THSD7B: variants seen among roughly 807,000 people sequenced by gnomAD.
The protein encoded by THSD7B is thrombospondin type 1 domain containing 7B, also known as thrombospondin type-1 domain-containing protein 7B.
THSD7B carries 138 observed loss-of-function variants against 213.6 expected under a neutral mutation model. The ratio of observed to expected loss-of-function variants is 0.65; its 90% CI spans 0.56 to 0.74. The LOEUF (loss-of-function observed/expected upper bound fraction) is 0.74. Among genes scored for constraint, THSD7B ranks in the 30% least tolerant of loss-of-function variants. The probability of loss-of-function intolerance (pLI) is 0.00; values close to 1 mark genes in which losing one functional copy is unlikely to be tolerated. For synonymous variants in THSD7B, 742 were observed against 687.0 expected (o/e 1.08, Z -1.25); for missense variants, 1,931 against 1,991.5 (o/e 0.97, Z 0.58).
At chr2:137,575,713 T>C (rs572275532) in intron 17 of THSD7B, among the ~76,000 whole-genome samples, 1 of 145,512 alleles carries the variant, frequency 6.9e-6, no homozygotes, top group South Asian at 2.3e-4. Context: ...TTTTTCTTAT[T>C]CCCATAACAC....
At chr2:136,921,524 G>A (rs768810146) in intron 2 of THSD7B, among the ~76,000 whole-genome samples, 1 of 151,940 alleles carries the variant, frequency 6.6e-6, no homozygotes, top group Non-Finnish European at 1.5e-5. Flanking sequence ...TAAGGAAGGT[G>A]GAAGATGCAG....
chr2:136,954,956 A>G (rs1014844985), intron 2 of THSD7B, among the ~76,000 whole-genome samples: 2 of 152,052 alleles, frequency 1.3e-5, no homozygotes, highest in Non-Finnish European at 2.9e-5. Context: ...GTGTATTTCA[A>G]CAGGCTCTGG....
At chr2:137,187,588 A>G (rs1357879181) in intron 7 of THSD7B, among the ~76,000 whole-genome samples, 1 of 152,192 alleles carries the variant, frequency 6.6e-6, no homozygotes. Context: ...GTAAGAGGCT[A>G]GAAATACAAG....
chr2:137,304,193 T>C (rs1418026155), intron 12 of THSD7B, among the ~76,000 whole-genome samples: 1 of 152,164 alleles, frequency 6.6e-6, no homozygotes, highest in Non-Finnish European at 1.5e-5. Flanking sequence ...TTCATTGTCA[T>C]TAGTTTATTT....
chr2:137,656,911 G>GTTT lies in THSD7B; in HGVS notation c.4222_4223insTTT (p.Gln1407_Ser1408insPhe). 6.2e-7 allele frequency: 1 copy of GTTT among 1,613,976 alleles called. No individual in the cohort carries two copies. The highest frequency in any genetic ancestry group is 1.1e-5 in the South Asian group (1 of 91,086). On this transcript the variant is annotated inframe_insertion, in exon 23 of 28. Transcript: ENST00000409968. The stretch of plus-strand genomic sequence containing the variant: ...CTAGATCAAGGACTTTTATAATTCA[G>GTTT]TCTTTTGAGAACCAAGACAGCTGCC...
chr2:136,875,056 T>A (rs1683504928), intron 1 of THSD7B, among the ~76,000 whole-genome samples: 1 of 152,194 alleles, frequency 6.6e-6, no homozygotes, highest in Non-Finnish European at 1.5e-5. Flanking sequence ...CAAGGAATAA[T>A]TTAATGGGAA....
intron 12 of THSD7B, among the ~76,000 whole-genome samples, chr2:137,282,795 T>G (rs1264260773): frequency 2.0e-5 from 3 of 152,218 alleles, no homozygotes; most frequent in African/African-American, 7.2e-5. Context: ...CCATGCTGTT[T>G]TGGTTACTGT....
intron 17 of THSD7B, among the ~76,000 whole-genome samples, chr2:137,597,679 G>A (rs1247750383): frequency 6.6e-6 from 1 of 151,974 alleles, no homozygotes. Flanking sequence ...AGTATATTAT[G>A]TTTCAGACAC....
intron 12 of THSD7B, among the ~76,000 whole-genome samples, chr2:137,332,391 C>T (rs908563992): frequency 9.9e-5 from 15 of 152,142 alleles, no homozygotes; most frequent in South Asian, 4.1e-4. Context: ...TCAGAATGGG[C>T]GTATTTACTC....
chr2:137,209,022 G>A (rs549396926), intron 7 of THSD7B, among the ~76,000 whole-genome samples: 1 of 152,082 alleles, frequency 6.6e-6, no homozygotes, highest in South Asian at 2.1e-4. Flanking sequence ...TTTTACAAAG[G>A]CAGTTTAGTT....
intron 1 of THSD7B, among the ~76,000 whole-genome samples, chr2:136,849,748 A>G (rs1416373382): frequency 6.6e-6 from 1 of 152,192 alleles, no homozygotes; most frequent in Non-Finnish European, 1.5e-5. Flanking sequence ...CTCTAGAGAA[A>G]TAACCTGAAT....
At chr2:136,808,145 AT>A (rs1462121026) in intron 1 of THSD7B, among the ~76,000 whole-genome samples, 3 of 152,210 alleles carry the variant, frequency 2.0e-5, no homozygotes, top group African/African-American at 4.8e-5. Context: ...TTCAATCCAA[AT>A]ACTCAAGCAC....
At chr2:136,834,203 C>T (rs1456613459) in intron 1 of THSD7B, among the ~76,000 whole-genome samples, 1 of 152,136 alleles carries the variant, frequency 6.6e-6, no homozygotes, top group East Asian at 1.9e-4. Context: ...CAGAGAGGAC[C>T]CAGCCCCTGG....
chr2:136,802,637 GTTTATATATATATA>G (rs1292860615), intron 1 of THSD7B, among the ~76,000 whole-genome samples: 3 of 39,024 alleles, frequency 7.7e-5, no homozygotes, highest in African/African-American at 2.2e-4. Flanking sequence ...TATGAATTAA[GTTTATATATATATA>G]TATATATATA....
intron 2 of THSD7B, among the ~76,000 whole-genome samples, chr2:136,920,183 A>G (rs1255337451): frequency 1.3e-5 from 2 of 152,208 alleles, no homozygotes; most frequent in Non-Finnish European, 2.9e-5. Context: ...CATGTTCAGG[A>G]AGAATGAGGT....
At chr2:137,080,841 G>C (rs10193510) in intron 3 of THSD7B, among the ~76,000 whole-genome samples, 59,411 of 151,852 alleles carry the variant, frequency 0.39, 13,776 homozygotes, top group African/African-American at 0.65. Flanking sequence ...GTATATTTGA[G>C]AAGTTTCAGT....
intron 15 of THSD7B, among the ~76,000 whole-genome samples, chr2:137,486,369 T>C (rs997889452): frequency 9.4e-5 from 14 of 149,188 alleles, no homozygotes; most frequent in Non-Finnish European, 2.1e-4. Flanking sequence ...AAACAGACTT[T>C]AAACCAACAA....
At chr2:137,390,064 A>G (rs997764226) in intron 12 of THSD7B, among the ~76,000 whole-genome samples, 2 of 151,954 alleles carry the variant, frequency 1.3e-5, no homozygotes, top group African/African-American at 4.8e-5. Context: ...TTTTAGGATT[A>G]CCCTTTCTAT....
chr2:136,781,144 A>AAATACTTAATTATAAAT (rs1226819591), intron 1 of THSD7B, among the ~76,000 whole-genome samples: 17 of 152,216 alleles, frequency 1.1e-4, no homozygotes, highest in African/African-American at 4.1e-4. Flanking sequence ...ATACATTATC[A>AAATACTTAATTATAAAT]AAAATTAAGT....
Sources: allele counts gnomAD v4.1 joint callset (sites outside exome capture counted in the v4.1 genomes callset), GRCh38; gene constraint gnomAD v4.1.1; transcripts MANE v1.5; gene names NCBI Gene and HGNC (gene_info 2026-07-23, HGNC 2026-07-21).